The following DYSF variants were observed in gnomAD, a reference collection of about 807,000 sequenced individuals.
The protein encoded by DYSF is dystrophy-associated fer-1-like 1.
Under a neutral mutation model 274.9 loss-of-function variants are expected in DYSF, and 212 were observed. The observed-to-expected ratio is 0.77, with a 90% confidence interval of 0.69 to 0.86. The LOEUF (loss-of-function observed/expected upper bound fraction) is 0.86, where lower values mean the gene tolerates loss of function less well. Ranked by LOEUF, DYSF falls within the 40% of genes least tolerant of loss-of-function variation. The pLI, the probability that DYSF is intolerant of heterozygous loss-of-function variation, is 0.00. For synonymous variants in DYSF, 1,091 were observed against 1,078.7 expected (o/e 1.01, Z -0.22); for missense variants, 2,666 against 2,783.2 (o/e 0.96, Z 0.95).
intron 38 of DYSF, 99 bp from the exon 39 acceptor site, chr2:71,612,542 G>T: frequency 6.4e-7 from 1 of 1,551,804 alleles, no homozygotes; most frequent in South Asian, 1.2e-5. Context: ...TGGCTGTGGG[G>T]ATTATCTGCG....
rs558089351 is a variant in DYSF at position 71,684,759 on chromosome 2, T to C, written c.6322-1695T>C. Among the ~76,000 whole-genome samples, 6 of 152,272 alleles carry C rather than the reference T, an allele frequency of 3.9e-5. No individual in the cohort carries two copies. The South Asian group carries it at 1.2e-3, about 32-fold the overall frequency. The stretch of plus-strand genomic sequence containing the variant: ...GAATCTGCATGTAGGCACATGATGG[T>C]TGGAGAAACCCTGTTGGATGTGACA... On this transcript the variant is annotated intron_variant, in intron 55 of 55. Transcript: ENST00000410020.
intron 3 of DYSF, among the ~76,000 whole-genome samples, chr2:71,483,539 C>T (rs1007048465): frequency 6.6e-6 from 1 of 152,112 alleles, no homozygotes; most frequent in African/African-American, 2.4e-5. Flanking sequence ...CTCAGTCTCA[C>T]GACACGTGCG....
At chr2:71,686,132 G>T (rs2095353658) in intron 55 of DYSF, among the ~76,000 whole-genome samples, 1 of 152,214 alleles carries the variant, frequency 6.6e-6, no homozygotes, top group Admixed American at 6.5e-5. Flanking sequence ...AATGGGCCTG[G>T]CTTGATGGGG....
chr2:71,543,966 C>CGGAGAG (rs772363219), intron 17 of DYSF, among the ~76,000 whole-genome samples: 13 of 143,648 alleles, frequency 9.0e-5, no homozygotes, highest in Admixed American at 4.1e-4. Context: ...GAGAGGGAGA[C>CGGAGAG]GGAGAGGGAG....
chr2:71,589,059 C>A (rs1374917636), intron 30 of DYSF, among the ~76,000 whole-genome samples: 1 of 152,234 alleles, frequency 6.6e-6, no homozygotes, highest in Non-Finnish European at 1.5e-5. Flanking sequence ...TGTCCACCCA[C>A]TCCTGTCCCC....
chr2:71,640,175 C>A (rs1310753559), intron 41 of DYSF, among the ~76,000 whole-genome samples: 1 of 152,174 alleles, frequency 6.6e-6, no homozygotes, highest in East Asian at 1.9e-4. Flanking sequence ...ATGTCTATAT[C>A]ACATGAAAAT....
chr2:71,588,140 G>A (rs1239207846), intron 30 of DYSF, among the ~76,000 whole-genome samples: 4 of 151,892 alleles, frequency 2.6e-5, no homozygotes, highest in African/African-American at 7.3e-5. Context: ...TTTAAGGAGC[G>A]TGGTTTGCCT....
At chr2:71,654,479 G>T (rs921874192) in intron 42 of DYSF, among the ~76,000 whole-genome samples, 18 of 152,076 alleles carry the variant, frequency 1.2e-4, no homozygotes, top group African/African-American at 4.1e-4. Context: ...CCGTATAAGT[G>T]GTTTAAAAAA....
chr2:71,480,160 A>G (rs1421912873), intron 1 of DYSF, among the ~76,000 whole-genome samples: 2 of 152,194 alleles, frequency 1.3e-5, no homozygotes, highest in Non-Finnish European at 2.9e-5. Flanking sequence ...GACATTTCTT[A>G]TAGATGGAAT....
At chr2:71,634,497 A>G (rs1359326885) in intron 41 of DYSF, among the ~76,000 whole-genome samples, 1 of 152,178 alleles carries the variant, frequency 6.6e-6, no homozygotes, top group African/African-American at 2.4e-5. Context: ...GGGGAAGAGA[A>G]GGGAGAAGTG....
At chr2:71,665,429 TC>T in intron 47 of DYSF, 125 bp downstream of exon 47, 1 of 1,261,606 alleles carries the variant, frequency 7.9e-7, no homozygotes, top group Non-Finnish European at 1.1e-6. Context: ...TGTGGGTCTC[TC>T]CAGGGCAGCA....
chr2:71,677,615 T>G (rs2095242534), intron 52 of DYSF, among the ~76,000 whole-genome samples: 1 of 152,208 alleles, frequency 6.6e-6, no homozygotes, highest in African/African-American at 2.4e-5. Flanking sequence ...TGAAAAAGAC[T>G]GTTGGATGAA....
intron 1 of DYSF, among the ~76,000 whole-genome samples, chr2:71,469,133 G>T (rs898371594): frequency 6.6e-6 from 1 of 152,166 alleles, no homozygotes; most frequent in South Asian, 2.1e-4. Flanking sequence ...TTTTGGAACC[G>T]CATCTTGGGA....
chr2:71,553,739 C>T, intron 20 of DYSF, 68 bp from the exon 21 acceptor site: 1 of 1,111,312 alleles, frequency 9.0e-7, no homozygotes, highest in Middle Eastern at 2.9e-4. Flanking sequence ...GAGGCTGGCA[C>T]TCTTAGCACC....
chr2:71,654,380 C>T (rs1429385398), intron 42 of DYSF, among the ~76,000 whole-genome samples: 2 of 152,054 alleles, frequency 1.3e-5, no homozygotes, highest in East Asian at 3.9e-4. Flanking sequence ...TACTCCTTGT[C>T]CAGGAATTCT....
chr2:71,480,623 TAAC>T (rs1297712795), intron 1 of DYSF, among the ~76,000 whole-genome samples: 4 of 152,246 alleles, frequency 2.6e-5, no homozygotes, highest in South Asian at 2.1e-4. Context: ...GAAATAACAA[TAAC>T]AAACTCATTA....
intron 3 of DYSF, among the ~76,000 whole-genome samples, chr2:71,496,623 G>A (rs757880441): frequency 4.6e-5 from 7 of 152,034 alleles, no homozygotes; most frequent in Non-Finnish European, 1.0e-4. Flanking sequence ...GGGAATGTGG[G>A]CCCTGAGTGT....
At chr2:71,571,582 A>C (rs111162093) in intron 29 of DYSF, among the ~76,000 whole-genome samples, 5,120 of 125,906 alleles carry the variant, frequency 0.041, 418 homozygotes, top group African/African-American at 0.16. Flanking sequence ...CCACACACAG[A>C]TCACACCCAG....
At chr2:71,593,361 C>T (rs1162217829) in intron 32 of DYSF, among the ~76,000 whole-genome samples, 3 of 152,106 alleles carry the variant, frequency 2.0e-5, no homozygotes, top group Non-Finnish European at 1.5e-5. Context: ...GAACTCCTGA[C>T]CTCAGGCGAT....
Sources: allele counts gnomAD v4.1 joint callset (sites outside exome capture counted in the v4.1 genomes callset), GRCh38; gene constraint gnomAD v4.1.1; transcripts MANE v1.5; gene names NCBI Gene and HGNC (gene_info 2026-07-23, HGNC 2026-07-21).